The following PRICKLE3 variants were observed in gnomAD, a reference collection of about 807,000 sequenced individuals.
PRICKLE3 encodes prickle planar cell polarity protein 3, also known as LIM domain only protein 6.
In PRICKLE3, 17 loss-of-function variants were observed where a neutral mutation model predicts 33.8. The observed-to-expected ratio is 0.50, with a 90% CI of 0.34 to 0.75. The LOEUF (loss-of-function observed/expected upper bound fraction) is 0.75. Among genes scored for constraint, PRICKLE3 ranks in the 30% least tolerant of loss-of-function variants. PRICKLE3 has a pLI of 0.01. For missense variants in PRICKLE3, 573 were observed against 576.7 expected, an observed-to-expected ratio of 0.99 and a Z score of 0.07; for synonymous variants, 211 against 219.6, an observed-to-expected ratio of 0.96 and a Z score of 0.34.
At chrX:49,181,614 T>TGC (rs1557101170) in intron 3 of PRICKLE3, among the ~76,000 whole-genome samples, 3 of 28,456 alleles carry the variant, frequency 1.1e-4, no homozygotes, top group African/African-American at 4.0e-4. Flanking sequence ...TATATATATA[T>TGC]GTGTATATAT....
intron 1 of PRICKLE3, among the ~76,000 whole-genome samples, chrX:49,185,595 T>C (rs1247421187): frequency 9.0e-6 from 1 of 111,011 alleles, no homozygotes; most frequent in East Asian, 2.8e-4. Context: ...CAAGGTACTG[T>C]GTCCTTTAGA....
intron 3 of PRICKLE3, among the ~76,000 whole-genome samples, chrX:49,181,317 G>C (rs1485820672): frequency 5.8e-5 from 6 of 102,918 alleles, no homozygotes; most frequent in African/African-American, 2.1e-4. Flanking sequence ...GCAGTGAGCT[G>C]TGATTGAGCC....
At chrX:49,186,205 CT>C in intron 1 of PRICKLE3, 50 bp downstream of exon 1, 1 of 1,145,751 alleles carries the variant, frequency 8.7e-7, no homozygotes, top group Non-Finnish European at 1.2e-6. Flanking sequence ...GCCCCCTTGC[CT>C]GGGCCTCAGT....
At position 49,174,890 on chromosome X, in the gene PRICKLE3, T is replaced by C; in HGVS notation, c.*783A>G. The C allele has an allele frequency of 4.1e-6, 2 of 487,019 alleles. No individual in the cohort carries two copies. Among genetic ancestry groups the C allele is most frequent in the Non-Finnish European group, 7.5e-6 (2 of 267,863 alleles). The allele number at this position is 487,019 out of a possible 1,213,427, so 40.1% of individuals were successfully genotyped here. The stretch of plus-strand genomic sequence containing the variant: ...GGTGTGGCCACCATATGTGTGTGCC[T>C]AGGTCCTCCTTCTGCACGATCCAAT... On this transcript the variant is annotated 3_prime_UTR_variant, in exon 9 of 9. Transcript: ENST00000599218.
In PRICKLE3 at chrX:49,177,091, C is replaced by T. The variant is rs782154995; in HGVS notation, c.1067G>A (p.Arg356His). Residue 356 changes from arginine (R) to histidine (H), a missense_variant, in exon 8 of 9, where the codon CGC (arginine) becomes CAC (histidine). Transcript: ENST00000599218. ...RALLGRPFLP[R>H]RGLIFCSRAC... ...TCGAGAGCAGAAGATTAGGCCTCGGCGTGGCAGGAATGGGCGGCCCAGCAG... is the reference window on the plus strand; with the variant it reads ...TCGAGAGCAGAAGATTAGGCCTCGGTGTGGCAGGAATGGGCGGCCCAGCAG... The T allele has an allele frequency of 2.3e-5, 28 of 1,202,281 alleles. No homozygotes were observed. In the East Asian group the frequency reaches 3.3e-4, roughly 14 times the overall value.
At chrX:49,183,204 T>A (rs5953273) in intron 3 of PRICKLE3, among the ~76,000 whole-genome samples, 8,804 of 111,613 alleles carry the variant, frequency 0.079, 895 homozygotes, top group African/African-American at 0.27. Context: ...AGGTGCCCCA[T>A]AACTATGTGT....
rs1454192464 is a variant in PRICKLE3 at position 49,183,657 on chromosome X, C to A, written c.312+77G>T. The A allele has an allele frequency of 2.7e-6, 3 of 1,119,279 alleles. No individual in the cohort carries two copies. In the African/African-American group the frequency reaches 5.8e-5, roughly 22 times the overall value. 92.2% of individuals were successfully genotyped at this position (1,119,279 alleles called of 1,213,427 possible). ...CGTAGCCCCAGAAATAGGTTCCCAC[C>A]TGAGTGTGTGTGTGTGTGTGTGAGC... On this transcript the variant is annotated intron_variant, in intron 3 of 8. Transcript: ENST00000599218.
At position 49,178,156 on chromosome X, in the gene PRICKLE3, C is replaced by T. The variant is rs375611018; in HGVS notation, c.792G>A (p.Thr264=). ...TGTGCCAGTGGCGGCCCTCAGCCTC[C>T]GTGCACTCAGGGGAGAAGATGATCT... The part of the protein sequence containing the change: ...CDEIIFSPEC[T]EAEGRHWHMD... The change falls in exon 7 of 9, where the codon ACG becomes ACA. Residue 264 remains threonine (T), a synonymous_variant. Coordinates refer to ENST00000599218, the MANE Select transcript of PRICKLE3 (RefSeq NM_006150.5). The T allele has an allele frequency of 8.5e-6, 10 of 1,182,493 alleles. No homozygotes were observed. The highest frequency in any genetic ancestry group is 7.0e-5 in the African/African-American group (4 of 57,027).
chrX:49,176,057 C>A lies in PRICKLE3; in HGVS notation c.1464G>T (p.Arg488=). Residue 488 remains arginine, a synonymous_variant, in exon 9 of 9, where the codon CGG becomes CGT. Coordinates refer to ENST00000599218, the MANE Select transcript of PRICKLE3 (RefSeq NM_006150.5). ...DPLVSEGGPR[R]TLSAPPAQRR... is the part of the protein sequence containing the mutation. ...GCTGGGCCGGGGGTGCACTCAGGGT[C>A]CGGCGCGGGCCTCCTTCAGACACCA... The A allele has an allele frequency of 8.3e-7, 1 of 1,205,899 alleles. No individual in the cohort carries two copies. Among genetic ancestry groups the A allele is most frequent in the Non-Finnish European group, 1.1e-6 (1 of 892,987 alleles).
chrX:49,181,737 C>CCCGGGTTCAAGCG (rs1816593647), intron 3 of PRICKLE3, among the ~76,000 whole-genome samples: 1 of 103,718 alleles, frequency 9.6e-6, no homozygotes, highest in African/African-American at 3.5e-5. Context: ...ACCTCCGCCT[C>CCCGGGTTCAAGCG]CCGGGTTCAA....
At chrX:49,176,540 T>C (rs2065418858) in intron 8 of PRICKLE3, among the ~76,000 whole-genome samples, 2 of 107,730 alleles carry the variant, frequency 1.9e-5, no homozygotes, top group African/African-American at 6.8e-5. Context: ...GGAAGAGGTG[T>C]GGCATAGGCT....
At chrX:49,178,792 A>G (rs782753304) in intron 5 of PRICKLE3, among the ~76,000 whole-genome samples, 1 of 111,621 alleles carries the variant, frequency 9.0e-6, no homozygotes, top group Non-Finnish European at 1.9e-5. Flanking sequence ...AACCACAGAG[A>G]TAGTCTCCAC....
chrX:49,180,781 A>T (rs1211680650), intron 3 of PRICKLE3, among the ~76,000 whole-genome samples: 2 of 111,290 alleles, frequency 1.8e-5, no homozygotes, highest in Admixed American at 1.9e-4. Context: ...ATTCAACCTT[A>T]TGGCTGTAAA....
At position 49,180,207 on chromosome X, in the gene PRICKLE3, T is replaced by C. The variant is rs186386781; in HGVS notation, c.313-401A>G. The stretch of plus-strand genomic sequence containing the variant: ...ACCACTATGCCCAGCTAATTTTTTA[T>C]TTTTAGTAGAGACAGGGTTTCACCA... On this transcript the variant is annotated intron_variant, in intron 3 of 8. Coordinates refer to ENST00000599218, the MANE Select transcript of PRICKLE3 (RefSeq NM_006150.5). 4.0e-4 allele frequency among the ~76,000 whole-genome samples: 44 copies of C among 109,481 alleles called. No homozygotes were observed. The East Asian group carries it at 0.013, about 31-fold the overall frequency.
intron 3 of PRICKLE3, among the ~76,000 whole-genome samples, chrX:49,182,744 C>T (rs1402912981): frequency 8.9e-6 from 1 of 111,912 alleles, no homozygotes; most frequent in African/African-American, 3.2e-5. Flanking sequence ...AATTCCATAG[C>T]CCTTACACCA....
In PRICKLE3 at chrX:49,175,029, C is replaced by T. The variant is rs782536375; in HGVS notation, c.*644G>A. ...GGTTGGGACCCACTCCAAATAATCTCCTCGGTGTGGGTGGTGGTTCTATAG... is the reference window on the plus strand; with the variant it reads ...GGTTGGGACCCACTCCAAATAATCTTCTCGGTGTGGGTGGTGGTTCTATAG... On this transcript the variant is annotated 3_prime_UTR_variant, in exon 9 of 9. Transcript: ENST00000599218. 72 of 385,861 alleles carry T rather than the reference C, an allele frequency of 1.9e-4. 1 individual carries two copies. In the South Asian group the frequency reaches 3.0e-3, roughly 16 times the overall value. The allele number at this position is 385,861 out of a possible 1,213,427, so 31.8% of individuals were successfully genotyped here.
At chrX:49,180,137 C>T (rs1557100809) in intron 3 of PRICKLE3, among the ~76,000 whole-genome samples, 1 of 101,079 alleles carries the variant, frequency 9.9e-6, no homozygotes, top group East Asian at 3.1e-4. Flanking sequence ...TGGGTTCAAG[C>T]GATTCTCCTG....
At position 49,175,025 on chromosome X, in the gene PRICKLE3, A is replaced by G; in HGVS notation, c.*648T>C. 1 of 391,952 alleles carries G rather than the reference A, an allele frequency of 2.6e-6. No individual in the cohort carries two copies. Among genetic ancestry groups the G allele is most frequent in the South Asian group, 4.1e-5 (1 of 24,224 alleles). The allele number at this position is 391,952 out of a possible 1,213,427, so 32.3% of individuals were successfully genotyped here. On this transcript the variant is annotated 3_prime_UTR_variant, in exon 9 of 9. Coordinates refer to ENST00000599218, the MANE Select transcript of PRICKLE3 (RefSeq NM_006150.5). ...CCTAGGTTGGGACCCACTCCAAATAATCTCCTCGGTGTGGGTGGTGGTTCT... is the reference window on the plus strand; with the variant it reads ...CCTAGGTTGGGACCCACTCCAAATAGTCTCCTCGGTGTGGGTGGTGGTTCT...
At chrX:49,176,514 C>G (rs1557100071) in intron 8 of PRICKLE3, among the ~76,000 whole-genome samples, 1 of 107,967 alleles carries the variant, frequency 9.3e-6, no homozygotes, top group Non-Finnish European at 1.9e-5. Flanking sequence ...CCAGGGCACC[C>G]GGGGTGGCTT....
Sources: gnomAD v4.1 joint callset for allele counts (sites outside exome capture counted in the v4.1 genomes callset) on GRCh38, gnomAD v4.1.1 for gene constraint, MANE v1.5 for transcripts, NCBI Gene and HGNC (gene_info 2026-07-23, HGNC 2026-07-21) for gene names.